QTMAN: variants seen among roughly 807,000 people sequenced by gnomAD.
The protein encoded by QTMAN is queuosine-tRNA mannosyltransferase, also known as tRNA-queuosine alpha-mannosyltransferase.
chr2:144,122,870 A>C, the QTMAN span, among the ~76,000 whole-genome samples: 1 of 152,170 alleles, frequency 6.6e-6, no homozygotes, highest in Non-Finnish European at 1.5e-5. Flanking sequence ...CAAGATTCTC[A>C]TATGCAGCTG....
the QTMAN span, among the ~76,000 whole-genome samples, chr2:144,070,748 A>G: frequency 6.6e-6 from 1 of 152,130 alleles, no homozygotes; most frequent in South Asian, 2.1e-4. Flanking sequence ...GTTAAAGATT[A>G]TTTCTTAAAA....
the QTMAN span, among the ~76,000 whole-genome samples, chr2:143,958,212 A>G: frequency 1.3e-5 from 2 of 152,112 alleles, no homozygotes; most frequent in Non-Finnish European, 2.9e-5. Context: ...TGTGTCATCT[A>G]TAATTTCCAC....
the QTMAN span, among the ~76,000 whole-genome samples, chr2:144,034,660 T>C: frequency 1.2e-4 from 19 of 152,314 alleles, no homozygotes; most frequent in East Asian, 5.8e-4. Context: ...AATTTGCCAA[T>C]GTTCCTCCTT....
At chr2:143,965,964 C>T in the QTMAN span, among the ~76,000 whole-genome samples, 1 of 152,206 alleles carries the variant, frequency 6.6e-6, no homozygotes, top group Non-Finnish European at 1.5e-5. Context: ...ATAGTTGTCC[C>T]TTATCCACAG....
the QTMAN span, among the ~76,000 whole-genome samples, chr2:144,039,326 GACT>G: frequency 5.9e-5 from 9 of 152,030 alleles, no homozygotes; most frequent in Non-Finnish European, 1.0e-4. Flanking sequence ...CATTCCATGG[GACT>G]ACATGTATAG....
At chr2:144,000,372 C>T in the QTMAN span, among the ~76,000 whole-genome samples, 1 of 151,946 alleles carries the variant, frequency 6.6e-6, no homozygotes, top group South Asian at 2.1e-4. Flanking sequence ...AAGACAAAAA[C>T]CAACCAAACA....
At chr2:144,273,862 G>A in the QTMAN span, among the ~76,000 whole-genome samples, 4 of 152,244 alleles carry the variant, frequency 2.6e-5, no homozygotes, top group South Asian at 2.1e-4. Context: ...ATGGCCGGGC[G>A]CGGTGGCTCA....
chr2:144,161,911 T>A, the QTMAN span, among the ~76,000 whole-genome samples: 14 of 152,204 alleles, frequency 9.2e-5, no homozygotes, highest in Admixed American at 9.2e-4. Flanking sequence ...ACAGTTTTAA[T>A]TTAGTTTGCA....
chr2:144,104,122 G>A, the QTMAN span, among the ~76,000 whole-genome samples: 9 of 151,964 alleles, frequency 5.9e-5, no homozygotes, highest in Admixed American at 1.3e-4. Context: ...GGGGAGGGGC[G>A]GTGGCGGTTC....
chr2:144,116,275 T>C, the QTMAN span, among the ~76,000 whole-genome samples: 1 of 128,294 alleles, frequency 7.8e-6, no homozygotes, highest in Non-Finnish European at 1.6e-5. Flanking sequence ...AGTTTCCATA[T>C]GAGATTTTTA....
At chr2:144,270,127 T>C in the QTMAN span, among the ~76,000 whole-genome samples, 1 of 152,228 alleles carries the variant, frequency 6.6e-6, no homozygotes, top group South Asian at 2.1e-4. Flanking sequence ...AGTAAAATGT[T>C]GATTATCCAG....
the QTMAN span, among the ~76,000 whole-genome samples, chr2:144,304,968 G>GT: frequency 6.6e-6 from 1 of 152,092 alleles, no homozygotes; most frequent in African/African-American, 2.4e-5. Flanking sequence ...TTATTGAATT[G>GT]TAACAGTTCT....
the QTMAN span, among the ~76,000 whole-genome samples, chr2:143,991,019 A>T: frequency 6.6e-6 from 1 of 152,196 alleles, no homozygotes; most frequent in African/African-American, 2.4e-5. Context: ...AAAGCTTAAG[A>T]GAGGATTAGT....
chr2:144,193,366 C>T, the QTMAN span, among the ~76,000 whole-genome samples: 1 of 149,374 alleles, frequency 6.7e-6, no homozygotes, highest in Non-Finnish European at 1.5e-5. Flanking sequence ...CATAAAATGA[C>T]CCCTATTTTA....
At chr2:144,274,639 G>A in the QTMAN span, among the ~76,000 whole-genome samples, 9 of 152,300 alleles carry the variant, frequency 5.9e-5, no homozygotes, top group African/African-American at 1.9e-4. Flanking sequence ...AAGGTGGTAC[G>A]CCCAGAGAAG....
the QTMAN span, among the ~76,000 whole-genome samples, chr2:144,073,343 A>C: frequency 6.6e-6 from 1 of 151,842 alleles, no homozygotes; most frequent in Admixed American, 6.6e-5. Context: ...TTGGCAAGCA[A>C]TCTGTTTTAC....
At chr2:144,311,887 G>A in the QTMAN span, among the ~76,000 whole-genome samples, 1 of 152,206 alleles carries the variant, frequency 6.6e-6, no homozygotes, top group African/African-American at 2.4e-5. Context: ...TGCCTTTCAT[G>A]AAATGCCTAG....
At chr2:144,278,053 G>C in the QTMAN span, among the ~76,000 whole-genome samples, 1 of 152,158 alleles carries the variant, frequency 6.6e-6, no homozygotes, top group Admixed American at 6.5e-5. Flanking sequence ...GCGAGGTAAT[G>C]ATTCTTCTGG....
the QTMAN span, chr2:144,006,962 G>A: frequency 2.4e-6 from 1 of 419,474 alleles, no homozygotes; most frequent in Non-Finnish European, 4.2e-6. Context: ...TGAGCAAATT[G>A]CAGCAAATAA....
Sources: allele counts gnomAD v4.1 joint callset (sites outside exome capture counted in the v4.1 genomes callset), GRCh38; gene constraint gnomAD v4.1.1; transcripts MANE v1.5; gene names NCBI Gene and HGNC (gene_info 2026-07-23, HGNC 2026-07-21).